The following SHANK2 variants were observed in gnomAD, a reference collection of about 807,000 sequenced individuals.
SHANK2 encodes the protein SH3 and multiple ankyrin repeat domains protein 2.
Under a neutral mutation model 133.7 loss-of-function variants are expected in SHANK2, and 43 were observed. That is an observed-to-expected ratio of 0.32 (90% CI 0.25 to 0.41). The LOEUF (loss-of-function observed/expected upper bound fraction) is 0.41. Among genes scored for constraint, SHANK2 ranks in the 10% least tolerant of loss-of-function variants. The pLI is 1.00. For synonymous variants in SHANK2, 1,017 were observed against 952.8 expected (o/e 1.07, Z -1.24); for missense variants, 1,994 against 2,235.8 (o/e 0.89, Z 2.18).
At chr11:70,620,084 T>C (rs2136446733) in intron 17 of SHANK2, among the ~76,000 whole-genome samples, 1 of 152,212 alleles carries the variant, frequency 6.6e-6, no homozygotes, top group East Asian at 1.9e-4. Context: ...ACGGATCCCA[T>C]CATGAGTCCC....
intron 9 of SHANK2, among the ~76,000 whole-genome samples, chr11:71,061,971 C>CT (rs1216736346): frequency 0.31 from 33,515 of 109,762 alleles, 6,061 homozygotes; most frequent in Non-Finnish European, 0.39. Context: ...GTCTTTCTTT[C>CT]TTTTTTTTTT....
Position 70,473,244 on chromosome 11 carries a change from G to A in SHANK2, c.5175C>T (p.Pro1725=), listed in dbSNP as rs553103084. Residue 1725 remains proline (P), a synonymous_variant, in exon 26 of 26, where the codon CCC becomes CCT. Coordinates refer to ENST00000601538, the MANE Select transcript of SHANK2 (RefSeq NM_012309.5). This position sits in a 1 kb window ranked among gnomAD's most constrained non-coding sequence, Gnocchi z 5.9. The part of the protein sequence containing the change: ...TEMNKETLPA[P]LSAATASPSP... Reference sequence around the variant, plus strand: ...AAGGAGAGGCGGTGGCAGCAGACAGGGGGGCGGGCAGGGTCTCTTTGTTCA... The same window carrying A: ...AAGGAGAGGCGGTGGCAGCAGACAGAGGGGCGGGCAGGGTCTCTTTGTTCA... 9 of 1,610,332 alleles carry A rather than the reference G, an allele frequency of 5.6e-6. No individual in the cohort carries two copies. The highest frequency in any genetic ancestry group is 7.6e-6 in the Non-Finnish European group (9 of 1,176,958).
At chr11:71,154,246 G>A (rs1289795214) in intron 2 of SHANK2, among the ~76,000 whole-genome samples, 1 of 152,176 alleles carries the variant, frequency 6.6e-6, no homozygotes, top group African/African-American at 2.4e-5. Context: ...AACGGCTGCA[G>A]GACTGACAGC....
chr11:71,157,988 G>A (rs1431890613), intron 2 of SHANK2, among the ~76,000 whole-genome samples: 2 of 152,268 alleles, frequency 1.3e-5, no homozygotes, highest in Non-Finnish European at 2.9e-5. Context: ...GCCCAGCCAC[G>A]GACAGCCTGG....
chr11:70,917,125 C>T (rs1950282180), intron 10 of SHANK2, among the ~76,000 whole-genome samples: 1 of 152,122 alleles, frequency 6.6e-6, no homozygotes, highest in East Asian at 1.9e-4. Flanking sequence ...AGCTGAACAT[C>T]CCAGCCTACT....
intron 10 of SHANK2, among the ~76,000 whole-genome samples, chr11:70,909,449 T>G (rs569479460): frequency 6.6e-6 from 1 of 152,158 alleles, no homozygotes; most frequent in Non-Finnish European, 1.5e-5. Flanking sequence ...CTGATCATAA[T>G]GATAACTACC....
At chr11:71,115,631 C>T (rs1469556645) in intron 4 of SHANK2, among the ~76,000 whole-genome samples, 2 of 152,154 alleles carry the variant, frequency 1.3e-5, no homozygotes, top group Admixed American at 6.5e-5. Context: ...CACTCCCGGA[C>T]ATCACTACTA....
intron 10 of SHANK2, among the ~76,000 whole-genome samples, chr11:70,897,213 C>T (rs1949949105): frequency 6.6e-6 from 1 of 152,128 alleles, no homozygotes; most frequent in African/African-American, 2.4e-5. Flanking sequence ...CTAGGATGGC[C>T]ATGGAGACCC....
At chr11:70,503,970 C>T (rs2059099160) in intron 17 of SHANK2, among the ~76,000 whole-genome samples, 1 of 152,214 alleles carries the variant, frequency 6.6e-6, no homozygotes, top group South Asian at 2.1e-4. Context: ...GAACTGAGCT[C>T]CACAGGGGGC....
Position 71,175,956 on chromosome 11 carries a change from G to A in SHANK2, c.-12-28618C>T, listed in dbSNP as rs1346787302. 6.6e-6 allele frequency among the ~76,000 whole-genome samples: 1 copy of A among 152,154 alleles called. No homozygotes were observed. Among genetic ancestry groups the A allele is most frequent in the Non-Finnish European group, 1.5e-5 (1 of 68,032 alleles). On this transcript the variant is annotated intron_variant, in intron 2 of 25. Coordinates refer to ENST00000601538, the MANE Select transcript of SHANK2 (RefSeq NM_012309.5). This position sits in a 1 kb window ranked among gnomAD's most constrained non-coding sequence, Gnocchi z 4.2. ...AGAGAATGGAACGGAGCCTAGTAGA[G>A]ATGTGTTCCCTTATTCAGAATATGA...
At chr11:71,158,496 C>A (rs7950101) in intron 2 of SHANK2, among the ~76,000 whole-genome samples, 42,176 of 152,048 alleles carry the variant, frequency 0.28, 6,609 homozygotes, top group African/African-American at 0.41. Context: ...AAATGAAGAG[C>A]TATACAATGA....
intron 17 of SHANK2, among the ~76,000 whole-genome samples, chr11:70,637,952 C>T (rs1186387644): frequency 6.6e-6 from 1 of 152,190 alleles, no homozygotes; most frequent in Non-Finnish European, 1.5e-5. Context: ...TTCAGGCCCA[C>T]TGAGCACAGG....
intron 17 of SHANK2, among the ~76,000 whole-genome samples, chr11:70,653,005 C>G (rs561144): frequency 6.6e-6 from 1 of 152,092 alleles, no homozygotes; most frequent in Non-Finnish European, 1.5e-5. Flanking sequence ...TGGAGTCTCG[C>G]TCTGTCACCC....
At chr11:70,859,837 A>C (rs1015615358) in intron 11 of SHANK2, among the ~76,000 whole-genome samples, 1 of 152,194 alleles carries the variant, frequency 6.6e-6, no homozygotes, top group Non-Finnish European at 1.5e-5. Flanking sequence ...TTTCCCTATC[A>C]GGGCTAAACA....
At chr11:70,820,780 C>T in intron 11 of SHANK2, 98 bp from the exon 12 acceptor site, 1 of 575,538 alleles carries the variant, frequency 1.7e-6, no homozygotes, top group Middle Eastern at 3.5e-4. Flanking sequence ...TGCGTCCAAG[C>T]CCCCATGCGA....
At chr11:70,636,833 T>C (rs1417943825) in intron 17 of SHANK2, among the ~76,000 whole-genome samples, 1 of 151,928 alleles carries the variant, frequency 6.6e-6, no homozygotes, top group African/African-American at 2.4e-5. Flanking sequence ...TGAGAACTTG[T>C]GTATTTATAA....
At chr11:70,826,383 G>A (rs970708801) in intron 11 of SHANK2, 19 of 463,130 alleles carry the variant, frequency 4.1e-5, no homozygotes, top group Admixed American at 1.4e-4. Flanking sequence ...AGGAGGAACT[G>A]GAGTCCTCCC....
At chr11:71,124,173 GTGATGGTGA>G (rs1243803643) in intron 3 of SHANK2, among the ~76,000 whole-genome samples, 3 of 40,270 alleles carry the variant, frequency 7.4e-5, no homozygotes, top group South Asian at 9.3e-4. Flanking sequence ...AGCGATGATG[GTGATGGTGA>G]TGATGGTGAT....
intron 17 of SHANK2, among the ~76,000 whole-genome samples, chr11:70,580,482 G>A (rs1247395116): frequency 5.3e-5 from 8 of 152,366 alleles, no homozygotes; most frequent in South Asian, 2.1e-4. Context: ...GCCAATGAGC[G>A]GCGTGGGCCT....
Sources: gnomAD v4.1 joint callset for allele counts (sites outside exome capture counted in the v4.1 genomes callset) on GRCh38, gnomAD v4.1.1 for gene constraint, Gnocchi (gnomAD v3.1) non-coding constraint, MANE v1.5 for transcripts, NCBI Gene and HGNC (gene_info 2026-07-23, HGNC 2026-07-21) for gene names.